Variants in MFGE8 observed in about 807,000 individuals in gnomAD.
MFGE8 encodes lactadherin.
Under a neutral mutation model 42.6 loss-of-function variants are expected in MFGE8, and 34 were observed. The observed-to-expected ratio is 0.80, with a 90% CI of 0.61 to 1.06. The LOEUF is 1.06. MFGE8 is among the 50% of genes least tolerant of loss of function. The pLI, the probability that MFGE8 is intolerant of heterozygous loss-of-function variation, is 0.00. For missense variants in MFGE8, 510 were observed against 516.9 expected (o/e 0.99, Z 0.13); for synonymous variants, 230 against 214.8 (o/e 1.07, Z -0.62).
chr15:88,901,512 A>AACCCCCCCCCCCCAC, intron 6 of MFGE8, 39 bp downstream of exon 6: 1 of 667,136 alleles, frequency 1.5e-6, no homozygotes, highest in Non-Finnish European at 2.7e-6. Flanking sequence ...ACCTCATCCC[A>AACCCCCCCCCCCCAC]CCCAACCCCA....
chr15:88,901,231 TCA>T (rs72336425), intron 6 of MFGE8, among the ~76,000 whole-genome samples: 12,450 of 65,466 alleles, frequency 0.19, 2,545 homozygotes, highest in Middle Eastern at 0.3. Context: ...ACATACACAT[TCA>T]CACACACATT....
In MFGE8 at chr15:88,906,891, A is replaced by C; in HGVS notation, c.388-113T>G. On this transcript the variant is annotated intron_variant, in intron 3 of 7. Coordinates refer to ENST00000268150, the MANE Select transcript of MFGE8 (RefSeq NM_005928.4). This position sits in a 1 kb window ranked among gnomAD's most constrained non-coding sequence, Gnocchi z 4.2. ...CTGGGTGGGGGAACAACTCAAGCAA[A>C]ACAGAGGAGGGGTAGCTGAGCACAC... 7.5e-7 allele frequency: 1 copy of C among 1,334,296 alleles called. No homozygotes were observed. The highest frequency in any genetic ancestry group is 1.1e-6 in the Non-Finnish European group (1 of 938,310). 82.7% of individuals were successfully genotyped at this position (1,334,296 alleles called of 1,614,324 possible).
intron 1 of MFGE8, chr15:88,912,258 G>T: frequency 1.6e-6 from 2 of 1,289,716 alleles, no homozygotes; most frequent in Non-Finnish European, 2.0e-6. Flanking sequence ...TTCAGGTTGG[G>T]GGGTACAGGG....
At position 88,906,464 on chromosome 15, in the gene MFGE8, A is replaced by G; in HGVS notation, c.540+162T>C. On this transcript the variant is annotated intron_variant, in intron 4 of 7. Transcript: ENST00000268150. The surrounding 1 kb of genome is among the most constrained non-coding windows in gnomAD (Gnocchi z 4.2). ...TGCTTATAAACCACAGAACATGGAC[A>G]CAGTCTGGGTTTCCCAATTTCTAGA... 1.3e-6 allele frequency: 1 copy of G among 767,866 alleles called. No homozygotes were observed. Among genetic ancestry groups the G allele is most frequent in the Non-Finnish European group, 2.3e-6 (1 of 435,206 alleles). The allele number at this position is 767,866 out of a possible 1,614,324, so 47.6% of individuals were successfully genotyped here.
chr15:88,910,306 A>G (rs774178901), intron 1 of MFGE8: 8 of 337,970 alleles, frequency 2.4e-5, no homozygotes, highest in African/African-American at 4.3e-5. Flanking sequence ...AAGGAGGCCC[A>G]TGAGGACTTT....
intron 5 of MFGE8, 152 bp from the exon 6 acceptor site, chr15:88,901,887 G>T: frequency 2.7e-6 from 2 of 749,374 alleles, no homozygotes; most frequent in South Asian, 1.5e-5. Context: ...GCCTTGCAGG[G>T]CCAACTGTGC....
intron 2 of MFGE8, 84 bp from the exon 3 acceptor site, chr15:88,907,460 C>T: frequency 8.0e-7 from 1 of 1,249,578 alleles, no homozygotes; most frequent in Admixed American, 1.7e-5. Flanking sequence ...GAAAATAAGA[C>T]TGTATGACCT....
In MFGE8 at chr15:88,899,813, T is replaced by G. The variant is rs201988637; in HGVS notation, c.871-2A>C. 526 of 1,613,906 alleles carry G rather than the reference T, an allele frequency of 3.3e-4. 2 individuals carry two copies. Among genetic ancestry groups the G allele is most frequent in the Middle Eastern group, 3.0e-3 (18 of 6,052 alleles). On this transcript the variant is annotated splice_acceptor_variant, in intron 6 of 7. Coordinates refer to ENST00000268150, the MANE Select transcript of MFGE8 (RefSeq NM_005928.4). LOFTEE classifies it high-confidence loss of function. The surrounding 1 kb of genome is among the most constrained non-coding windows in gnomAD (Gnocchi z 6.8). Reference sequence around the variant, plus strand: ...CTCCTTCGAGGAGCCCAGGTCCACCTACAGAAGAAACCAACCACATTTTCT... The same window carrying G: ...CTCCTTCGAGGAGCCCAGGTCCACCGACAGAAGAAACCAACCACATTTTCT...
Position 88,899,640 on chromosome 15 carries a change from C to A in MFGE8, c.1026+16G>T, listed in dbSNP as rs769444730. 11 of 1,614,168 alleles carry A rather than the reference C, an allele frequency of 6.8e-6. No homozygotes were observed. Among genetic ancestry groups the A allele is most frequent in the Non-Finnish European group, 9.3e-6 (11 of 1,180,020 alleles). ...TGAAGGAATGGCAAAGGGTGGGCAG[C>A]TGGACAGACACCCACCTTACTGCTG... is the stretch of plus-strand genomic sequence containing the variant. On this transcript the variant is annotated intron_variant, in intron 7 of 7. Transcript: ENST00000268150. This position sits in a 1 kb window ranked among gnomAD's most constrained non-coding sequence, Gnocchi z 6.8.
intron 1 of MFGE8, chr15:88,912,499 C>T (rs1899012451): frequency 1.0e-6 from 1 of 985,290 alleles, no homozygotes; most frequent in Admixed American, 6.1e-5. Context: ...GCCCTGACTC[C>T]CTCCCAGCGC....
At chr15:88,900,934 AT>A (rs1898330178) in intron 6 of MFGE8, among the ~76,000 whole-genome samples, 1 of 138,304 alleles carries the variant, frequency 7.2e-6, no homozygotes, top group Non-Finnish European at 1.6e-5. Flanking sequence ...GTGGCAGCCC[AT>A]GGAATGGCTC....
intron 6 of MFGE8, among the ~76,000 whole-genome samples, chr15:88,901,330 C>A (rs1169205493): frequency 2.6e-5 from 4 of 151,922 alleles, no homozygotes; most frequent in Non-Finnish European, 5.9e-5. Flanking sequence ...CACACACACA[C>A]ACACATACAC....
chr15:88,902,601 T>G lies in MFGE8; in HGVS notation c.686-866A>C, dbSNP rs2141699704. Reference sequence around the variant, plus strand: ...CTGGGGATGCTGTCACACAGGCCTGTGAGGGCTGGCCCGGGAAGCTGGCCT... The same window carrying G: ...CTGGGGATGCTGTCACACAGGCCTGGGAGGGCTGGCCCGGGAAGCTGGCCT... On this transcript the variant is annotated intron_variant, in intron 5 of 7. Coordinates refer to ENST00000268150, the MANE Select transcript of MFGE8 (RefSeq NM_005928.4). This position sits in a 1 kb window ranked among gnomAD's most constrained non-coding sequence, Gnocchi z 4.3. 1 of 152,426 alleles carries G rather than the reference T, an allele frequency of 6.6e-6. No individual in the cohort carries two copies. Among genetic ancestry groups the G allele is most frequent in the East Asian group, 1.9e-4 (1 of 5,192 alleles). The allele number at this position is 152,426 out of a possible 1,614,324, so 9.4% of individuals were successfully genotyped here.
At chr15:88,901,457 G>T in intron 6 of MFGE8, 94 bp downstream of exon 6, 1 of 1,288,038 alleles carries the variant, frequency 7.8e-7, no homozygotes, top group Non-Finnish European at 1.1e-6. Context: ...TTGGGGAGCA[G>T]AAGAGAAGCC....
intron 2 of MFGE8, among the ~76,000 whole-genome samples, chr15:88,909,514 C>T (rs558192191): frequency 2.9e-4 from 44 of 152,340 alleles, no homozygotes; most frequent in Non-Finnish European, 5.4e-4. Context: ...CCAGGGTGAC[C>T]ACAACCCCTC....
In MFGE8 at chr15:88,909,688, G is replaced by A. The variant is rs1385842767; in HGVS notation, c.205+104C>T. On this transcript the variant is annotated intron_variant, in intron 2 of 7. Transcript: ENST00000268150. ...AGGCCTTGACACCTCCACTGGGGTG[G>A]GGATCACAGGCAGAGAATAAGGCCA... 3.2e-6 allele frequency: 5 copies of A among 1,556,910 alleles called. No individual in the cohort carries two copies. The East Asian group carries it at 1.1e-4, about 35-fold the overall frequency.
At position 88,901,662 on chromosome 15, in the gene MFGE8, C is replaced by T; in HGVS notation, c.759G>A (p.Lys253=). 1 of 1,613,920 alleles carries T rather than the reference C, an allele frequency of 6.2e-7. No homozygotes were observed. Among genetic ancestry groups the T allele is most frequent in the Non-Finnish European group, 8.5e-7 (1 of 1,180,012 alleles). Residue 253 remains lysine (K), a synonymous_variant, in exon 6 of 8, where the codon AAG becomes AAA. Transcript: ENST00000268150. ...DKQITASSSY[K]TWGLHLFSWN... ...AGCTGAAGAGATGCAAGCCCCAGGT[C>T]TTGTAGCTGCTGGAGGCCGTGATCT...
In MFGE8 at chr15:88,912,985, T is replaced by G. The variant is rs543004813; in HGVS notation, c.73+262A>C. 8.2e-5 allele frequency: 81 copies of G among 985,444 alleles called. No individual in the cohort carries two copies. The East Asian group carries it at 6.6e-3, about 80-fold the overall frequency. The allele number at this position is 985,444 out of a possible 1,614,324, so 61.0% of individuals were successfully genotyped here. Reference sequence around the variant, plus strand: ...GACACAGCGGATTCCTTTGTCATTATCTGTAAGCCGCATCCCTGGGGGCGG... The same window carrying G: ...GACACAGCGGATTCCTTTGTCATTAGCTGTAAGCCGCATCCCTGGGGGCGG... On this transcript the variant is annotated intron_variant, in intron 1 of 7. Coordinates refer to ENST00000268150, the MANE Select transcript of MFGE8 (RefSeq NM_005928.4).
intron 1 of MFGE8, chr15:88,912,721 G>A: frequency 2.0e-6 from 2 of 985,412 alleles, no homozygotes; most frequent in Non-Finnish European, 2.4e-6. Context: ...CCCACTTACG[G>A]CCTGCGTCCA....
Sources: allele counts gnomAD v4.1 joint callset (sites outside exome capture counted in the v4.1 genomes callset), GRCh38; gene constraint gnomAD v4.1.1; non-coding constraint Gnocchi (gnomAD v3.1); transcripts MANE v1.5; gene names NCBI Gene and HGNC (gene_info 2026-07-23, HGNC 2026-07-21).